NREP: variants seen among roughly 807,000 people sequenced by gnomAD.
The protein encoded by NREP is neuronal regeneration related protein, also known as neuronal regeneration-related protein.
NREP carries 5 observed loss-of-function variants against 8.6 expected under a neutral mutation model. That is an observed-to-expected ratio of 0.58 (90% CI 0.30 to 1.22). The LOEUF (loss-of-function observed/expected upper bound fraction) is 1.22. NREP is among the 50% of genes most tolerant of loss of function. The pLI is 0.07. For synonymous variants in NREP, 27 were observed against 28.0 expected (o/e 0.96, Z 0.11); for missense variants, 86 against 82.5 (o/e 1.04, Z -0.17).
intron 2 of NREP, among the ~76,000 whole-genome samples, chr5:111,833,518 C>A (rs1752823610): frequency 6.6e-6 from 1 of 152,144 alleles, no homozygotes; most frequent in Non-Finnish European, 1.5e-5. Context: ...TCAGGCCAAG[C>A]AATTTAGGGA....
At chr5:111,832,408 G>A (rs1752793543) in intron 2 of NREP, among the ~76,000 whole-genome samples, 1 of 152,088 alleles carries the variant, frequency 6.6e-6, no homozygotes, top group African/African-American at 2.4e-5. Context: ...GCATGAGCCT[G>A]TAGTCCCAGC....
At chr5:111,882,655 A>T (rs1168133502) in intron 2 of NREP, among the ~76,000 whole-genome samples, 1 of 152,242 alleles carries the variant, frequency 6.6e-6, no homozygotes, top group Non-Finnish European at 1.5e-5. Context: ...TACAAGCCAG[A>T]AAAGAGTGGG....
chr5:111,917,247 C>G (rs1462684085), intron 2 of NREP, among the ~76,000 whole-genome samples: 2 of 152,090 alleles, frequency 1.3e-5, no homozygotes, highest in Admixed American at 1.3e-4. Flanking sequence ...AGCCCAGGAC[C>G]AGATGGATTC....
chr5:111,891,293 A>G (rs189182250), intron 2 of NREP, among the ~76,000 whole-genome samples: 46 of 152,320 alleles, frequency 3.0e-4, no homozygotes, highest in African/African-American at 1.0e-3. Context: ...CCAGTTCCAA[A>G]TAAGTTTCTG....
chr5:111,939,103 C>T (rs1405735378), intron 2 of NREP, among the ~76,000 whole-genome samples: 1 of 152,006 alleles, frequency 6.6e-6, no homozygotes, highest in Non-Finnish European at 1.5e-5. Context: ...CCCCCTTGCT[C>T]TTGGTCTTCC....
At chr5:111,776,719 G>T (rs1199338883) in intron 2 of NREP, among the ~76,000 whole-genome samples, 2 of 152,134 alleles carry the variant, frequency 1.3e-5, no homozygotes, top group Non-Finnish European at 2.9e-5. Flanking sequence ...AGATACAAAT[G>T]TGGTTTCATT....
At chr5:111,873,477 T>A (rs1753835373) in intron 2 of NREP, among the ~76,000 whole-genome samples, 1 of 152,174 alleles carries the variant, frequency 6.6e-6, no homozygotes, top group Non-Finnish European at 1.5e-5. Context: ...GTTCATTTCA[T>A]TTGTAGGGGA....
chr5:111,792,765 G>C (rs1751780733), intron 2 of NREP, among the ~76,000 whole-genome samples: 1 of 152,058 alleles, frequency 6.6e-6, no homozygotes, highest in South Asian at 2.1e-4. Context: ...GAAAGAAATT[G>C]GTTGAATTAA....
In NREP at chr5:111,918,479, AC is replaced by A. The variant is rs1399538818; in HGVS notation, c.135+56794del. Among the ~76,000 whole-genome samples, 6 of 152,356 alleles carry A rather than the reference AC, an allele frequency of 3.9e-5. No homozygotes were observed. In the East Asian group the frequency reaches 1.2e-3, roughly 29 times the overall value. On this transcript the variant is annotated intron_variant, in intron 2 of 3. Transcript: ENST00000395634. The stretch of plus-strand genomic sequence containing the variant: ...CTAACTATACTACATGGCTACAGTA[AC>A]CAAAACAGCATGGTACTGGTAGCAA...
intron 2 of NREP, among the ~76,000 whole-genome samples, chr5:111,943,587 T>C (rs1755892331): frequency 6.6e-6 from 1 of 152,092 alleles, no homozygotes; most frequent in South Asian, 2.1e-4. Context: ...CAAATCTGAA[T>C]TCATTTTCAT....
chr5:111,768,273 G>A (rs948802428), intron 2 of NREP, among the ~76,000 whole-genome samples: 1 of 152,138 alleles, frequency 6.6e-6, no homozygotes, highest in African/African-American at 2.4e-5. Flanking sequence ...AGGAGCAGAA[G>A]GAGATTATGG....
At chr5:111,886,406 C>T (rs1165467473) in intron 2 of NREP, among the ~76,000 whole-genome samples, 2 of 152,104 alleles carry the variant, frequency 1.3e-5, no homozygotes, top group Non-Finnish European at 2.9e-5. Context: ...TTGTGGAAGT[C>T]AGTGTGGTGA....
At chr5:111,884,138 G>A (rs1754171259) in intron 2 of NREP, among the ~76,000 whole-genome samples, 1 of 151,672 alleles carries the variant, frequency 6.6e-6, no homozygotes, top group Non-Finnish European at 1.5e-5. Flanking sequence ...ATGATAAAGG[G>A]GATATCACCA....
chr5:111,916,152 A>G (rs944888800), intron 2 of NREP, among the ~76,000 whole-genome samples: 1 of 152,100 alleles, frequency 6.6e-6, no homozygotes, highest in African/African-American at 2.4e-5. Flanking sequence ...TATATTATAT[A>G]TAGTATATAG....
intron 2 of NREP, among the ~76,000 whole-genome samples, chr5:111,736,862 G>C (rs922941204): frequency 2.0e-5 from 3 of 152,068 alleles, no homozygotes; most frequent in Non-Finnish European, 4.4e-5. Flanking sequence ...GGTAGTGTAG[G>C]GTAGGACTGA....
intron 2 of NREP, among the ~76,000 whole-genome samples, chr5:111,904,206 T>C (rs1417367224): frequency 6.6e-6 from 1 of 152,166 alleles, no homozygotes; most frequent in Admixed American, 6.6e-5. Context: ...CCAATAATGA[T>C]ACATTGTTTT....
intron 2 of NREP, among the ~76,000 whole-genome samples, chr5:111,938,523 G>C (rs573270865): frequency 6.6e-6 from 1 of 152,158 alleles, no homozygotes; most frequent in East Asian, 1.9e-4. Context: ...TGGTGTAATG[G>C]CTGATGGTAT....
chr5:111,882,803 C>T (rs1754121374), intron 2 of NREP, among the ~76,000 whole-genome samples: 1 of 152,144 alleles, frequency 6.6e-6, no homozygotes, highest in East Asian at 1.9e-4. Context: ...ACCAGGCCTG[C>T]CCTAAAAGAG....
At chr5:111,738,052 C>G (rs900395216) in intron 2 of NREP, among the ~76,000 whole-genome samples, 2 of 152,114 alleles carry the variant, frequency 1.3e-5, no homozygotes, top group Non-Finnish European at 2.9e-5. Flanking sequence ...TTCTTAAAAC[C>G]TGCTTGGCTG....
Sources: gnomAD v4.1 joint callset for allele counts (sites outside exome capture counted in the v4.1 genomes callset) on GRCh38, gnomAD v4.1.1 for gene constraint, MANE v1.5 for transcripts, NCBI Gene and HGNC (gene_info 2026-07-23, HGNC 2026-07-21) for gene names.